Variants in RMP64 observed in about 807,000 individuals in gnomAD.
The protein encoded by RMP64 is ribonuclease MRP subunit p64, also known as nucleolus and neural progenitor protein.
the RMP64 span, chr3:113,005,212 G>T: frequency 3.2e-6 from 1 of 310,664 alleles, no homozygotes; most frequent in Non-Finnish European, 6.1e-6. Flanking sequence ...TTATTAAATT[G>T]CCTAGTAAGT....
At chr3:113,008,202 G>T in the RMP64 span, 1 of 1,614,056 alleles carries the variant, frequency 6.2e-7, no homozygotes, top group Non-Finnish European at 8.5e-7. Context: ...TGTTTAAGCC[G>T]GTTGCTTTTA....
chr3:113,011,404 A>C, the RMP64 span: 7 of 1,552,452 alleles, frequency 4.5e-6, no homozygotes, highest in Admixed American at 1.5e-4. Context: ...TTTATAGAGA[A>C]CCCTAGAGAA....
chr3:113,016,190 T>C, the RMP64 span, among the ~76,000 whole-genome samples: 7 of 152,228 alleles, frequency 4.6e-5, no homozygotes, highest in South Asian at 1.5e-3. Flanking sequence ...ACTAAGAAGT[T>C]TGGTCTTTAC....
At chr3:113,006,820 A>G in the RMP64 span, among the ~76,000 whole-genome samples, 3 of 152,342 alleles carry the variant, frequency 2.0e-5, no homozygotes, top group Non-Finnish European at 4.4e-5. Flanking sequence ...AAAGGAAAAC[A>G]GAGGGCCTGA....
At chr3:113,016,906 G>A in the RMP64 span, among the ~76,000 whole-genome samples, 1 of 152,142 alleles carries the variant, frequency 6.6e-6, no homozygotes. Flanking sequence ...CTACTCTATG[G>A]TATAGCCCCT....
the RMP64 span, chr3:113,009,365 T>C: frequency 2.6e-5 from 4 of 152,244 alleles, no homozygotes; most frequent in South Asian, 4.1e-4. Flanking sequence ...CCCAGGTCAA[T>C]AGTTTATGTT....
the RMP64 span, chr3:113,011,440 A>T: frequency 6.6e-7 from 1 of 1,521,680 alleles, no homozygotes; most frequent in Non-Finnish European, 8.8e-7. Context: ...TTAATTAGCC[A>T]GTAATTACAA....
the RMP64 span, among the ~76,000 whole-genome samples, chr3:113,018,568 C>T: frequency 6.6e-6 from 1 of 152,132 alleles, no homozygotes; most frequent in Non-Finnish European, 1.5e-5. Context: ...CTTTTTGCAG[C>T]TTAAAGCCAT....
chr3:113,006,008 T>C, the RMP64 span: 1 of 1,596,238 alleles, frequency 6.3e-7, no homozygotes, highest in Non-Finnish European at 8.6e-7. Flanking sequence ...TGGCAAACTT[T>C]AAAAGACAGA....
chr3:113,011,190 A>C, the RMP64 span: 1 of 1,613,374 alleles, frequency 6.2e-7, no homozygotes, highest in Non-Finnish European at 8.5e-7. Context: ...AAAACAGTTT[A>C]TTTAGCAATT....
chr3:113,003,818 A>T, the RMP64 span: 1 of 152,230 alleles, frequency 6.6e-6, no homozygotes, highest in Non-Finnish European at 1.5e-5. Context: ...AGCTCAGTGA[A>T]GCCACAAGTA....
the RMP64 span, chr3:113,013,221 C>A: frequency 1.9e-6 from 3 of 1,585,448 alleles, no homozygotes; most frequent in Non-Finnish European, 2.6e-6. Context: ...TTAAAAATAT[C>A]CAAACAATTC....
At chr3:113,003,310 C>T in the RMP64 span, 1 of 152,032 alleles carries the variant, frequency 6.6e-6, no homozygotes, top group Non-Finnish European at 1.5e-5. Flanking sequence ...CCACTGTGCT[C>T]CAGCCTGGGC....
chr3:113,003,596 G>A, the RMP64 span: 1 of 152,216 alleles, frequency 6.6e-6, no homozygotes, highest in Non-Finnish European at 1.5e-5. Context: ...GGGAAAATGA[G>A]AGGAGATGAA....
At chr3:113,009,970 TA>T in the RMP64 span, among the ~76,000 whole-genome samples, 173 of 144,068 alleles carry the variant, frequency 1.2e-3, no homozygotes, top group East Asian at 0.015. Flanking sequence ...AAGACAGGGT[TA>T]AAAAAAAAAA....
the RMP64 span, among the ~76,000 whole-genome samples, chr3:113,018,020 C>T: frequency 6.6e-6 from 1 of 152,192 alleles, no homozygotes; most frequent in Non-Finnish European, 1.5e-5. Flanking sequence ...GAAAGCAAGA[C>T]AGAATGAATA....
the RMP64 span, chr3:113,010,406 T>C: frequency 4.0e-6 from 2 of 500,362 alleles, no homozygotes; most frequent in South Asian, 5.3e-5. Context: ...ACGGTTACTT[T>C]AAAATTCTAG....
the RMP64 span, chr3:113,008,162 T>C: frequency 6.2e-7 from 1 of 1,605,852 alleles, no homozygotes; most frequent in East Asian, 2.2e-5. Context: ...ATTTTTGCAA[T>C]ATACCTACCT....
chr3:113,012,855 G>T, the RMP64 span: 1 of 1,161,948 alleles, frequency 8.6e-7, no homozygotes, highest in Non-Finnish European at 1.3e-6. Context: ...AAAGTAATGT[G>T]GGTTTTGTAA....
Sources: gnomAD v4.1 joint callset for allele counts (sites outside exome capture counted in the v4.1 genomes callset) on GRCh38, gnomAD v4.1.1 for gene constraint, MANE v1.5 for transcripts, NCBI Gene and HGNC (gene_info 2026-07-23, HGNC 2026-07-21) for gene names.